The following SFMBT2 variants were observed in gnomAD, a reference collection of about 807,000 sequenced individuals.
The protein encoded by SFMBT2 is Scm like with four mbt domains 2.
In SFMBT2, 38 loss-of-function variants were observed where a neutral mutation model predicts 110.1. That is an observed-to-expected ratio of 0.35 (90% confidence interval 0.27 to 0.45). The LOEUF is 0.45. Among genes scored for constraint, SFMBT2 ranks in the 20% least tolerant of loss-of-function variants. The pLI is 1.00. For synonymous variants in SFMBT2, 425 were observed against 425.4 expected (o/e 1.00, Z 0.01); for missense variants, 1,011 against 1,094.9 (o/e 0.92, Z 1.08).
intron 4 of SFMBT2, among the ~76,000 whole-genome samples, chr10:7,352,580 G>C (rs750002580): frequency 8.5e-5 from 13 of 152,108 alleles, no homozygotes; most frequent in Non-Finnish European, 1.3e-4. Flanking sequence ...TGCTATCTCA[G>C]AGAAGTCCCC....
chr10:7,368,013 T>C (rs1844958177), intron 3 of SFMBT2, 124 bp from the exon 4 acceptor site: 1 of 1,363,914 alleles, frequency 7.3e-7, no homozygotes, highest in Admixed American at 2.7e-5. Context: ...AAAACAGGCA[T>C]GTATTTATCT....
intron 4 of SFMBT2, among the ~76,000 whole-genome samples, chr10:7,297,636 G>T (rs903206455): frequency 6.6e-6 from 1 of 152,076 alleles, no homozygotes; most frequent in Non-Finnish European, 1.5e-5. Flanking sequence ...GAGAAACAAG[G>T]CAATTTAAAA....
In SFMBT2 at chr10:7,163,726, A is replaced by G. The variant is rs761898178; in HGVS notation, c.*44T>C. 1 of 1,567,778 alleles carries G rather than the reference A, an allele frequency of 6.4e-7. No homozygotes were observed. Among genetic ancestry groups the G allele is most frequent in the East Asian group, 2.2e-5 (1 of 44,508 alleles). ...AGTTTCAGTCCTGGAAACCTTTACC[A>G]ACACCGCATCCCAGCAATAATGGGC... is the stretch of plus-strand genomic sequence containing the variant. On this transcript the variant is annotated 3_prime_UTR_variant, in exon 21 of 21. Coordinates refer to ENST00000397167, the MANE Select transcript of SFMBT2 (RefSeq NM_001387889.1). This position sits in a 1 kb window ranked among gnomAD's most constrained non-coding sequence, Gnocchi z 4.8.
At chr10:7,216,971 G>C (rs1325323249) in intron 11 of SFMBT2, among the ~76,000 whole-genome samples, 1 of 152,180 alleles carries the variant, frequency 6.6e-6, no homozygotes, top group African/African-American at 2.4e-5. Context: ...CTTGCCAATA[G>C]GTGGCCAGGT....
intron 4 of SFMBT2, among the ~76,000 whole-genome samples, chr10:7,341,463 T>A (rs990649468): frequency 2.0e-5 from 3 of 152,256 alleles, no homozygotes; most frequent in Admixed American, 2.0e-4. Flanking sequence ...GTTTTGCTTT[T>A]GTTTGGAGAG....
chr10:7,266,581 G>A (rs1841401185), intron 7 of SFMBT2, among the ~76,000 whole-genome samples: 1 of 152,230 alleles, frequency 6.6e-6, no homozygotes, highest in South Asian at 2.1e-4. Flanking sequence ...TCAGGCGACT[G>A]GACCCAGGCA....
chr10:7,324,505 C>T (rs554753598), intron 4 of SFMBT2, among the ~76,000 whole-genome samples: 12 of 152,260 alleles, frequency 7.9e-5, no homozygotes, highest in African/African-American at 2.9e-4. Flanking sequence ...ATCTTGTGAA[C>T]TCCACCCCAA....
intron 9 of SFMBT2, chr10:7,228,388 A>C (rs1014830028): frequency 1.6e-5 from 13 of 797,296 alleles, no homozygotes; most frequent in Non-Finnish European, 2.0e-5. Context: ...AAAAAAAAAA[A>C]AACAAAACAG....
At chr10:7,189,284 A>G (rs1345511715) in intron 15 of SFMBT2, 1 of 612,610 alleles carries the variant, frequency 1.6e-6, no homozygotes, top group Non-Finnish European at 2.0e-6. Context: ...TGAATATTTT[A>G]AAAGAGAGTC....
chr10:7,374,882 G>A (rs2132066001), intron 2 of SFMBT2, among the ~76,000 whole-genome samples: 2 of 152,280 alleles, frequency 1.3e-5, no homozygotes, highest in East Asian at 3.9e-4. Context: ...GTGCCCCAAG[G>A]AGCTGATTCT....
chr10:7,200,170 C>T (rs1179631289), intron 14 of SFMBT2, among the ~76,000 whole-genome samples: 1 of 152,162 alleles, frequency 6.6e-6, no homozygotes, highest in African/African-American at 2.4e-5. Flanking sequence ...CACATAAACC[C>T]TTTTTCTATA....
intron 7 of SFMBT2, among the ~76,000 whole-genome samples, chr10:7,257,711 C>A (rs1359568534): frequency 6.6e-6 from 1 of 152,186 alleles, no homozygotes; most frequent in East Asian, 1.9e-4. Flanking sequence ...GAAGCTTATG[C>A]TTTTAAAATG....
At chr10:7,220,022 A>G (rs181038552) in intron 11 of SFMBT2, among the ~76,000 whole-genome samples, 8 of 152,374 alleles carry the variant, frequency 5.3e-5, no homozygotes, top group Admixed American at 3.9e-4. Context: ...TACGAAAGAA[A>G]TCAAAGTAAA....
chr10:7,346,726 T>C (rs1446536634), intron 4 of SFMBT2, among the ~76,000 whole-genome samples: 3 of 151,604 alleles, frequency 2.0e-5, no homozygotes, highest in South Asian at 2.1e-4. Context: ...TCCCAGCACT[T>C]TGGGAGGCCG....
intron 7 of SFMBT2, 67 bp from the exon 8 acceptor site, chr10:7,248,716 T>G: frequency 2.5e-5 from 36 of 1,434,418 alleles, no homozygotes; most frequent in Non-Finnish European, 3.3e-5. Context: ...ACTGTCCGGA[T>G]GCGCTCCTGG....
chr10:7,183,465 C>A (rs1452573940), intron 16 of SFMBT2, among the ~76,000 whole-genome samples: 1 of 152,192 alleles, frequency 6.6e-6, no homozygotes, highest in Admixed American at 6.5e-5. Context: ...ACACTGAGAA[C>A]CCCAGAGTCC....
intron 13 of SFMBT2, among the ~76,000 whole-genome samples, chr10:7,200,731 T>C (rs1838927714): frequency 6.6e-6 from 1 of 152,232 alleles, no homozygotes; most frequent in African/African-American, 2.4e-5. Flanking sequence ...CAGCTGGTCC[T>C]GATCAGTGAG....
At chr10:7,297,218 G>A (rs917159664) in intron 4 of SFMBT2, among the ~76,000 whole-genome samples, 1 of 152,220 alleles carries the variant, frequency 6.6e-6, no homozygotes, top group African/African-American at 2.4e-5. Context: ...CTTTGAGAGT[G>A]CACAGAAGGA....
chr10:7,195,078 T>C (rs942805971), intron 15 of SFMBT2, among the ~76,000 whole-genome samples: 4 of 152,186 alleles, frequency 2.6e-5, no homozygotes, highest in African/African-American at 9.7e-5. Flanking sequence ...CCTCATCCTA[T>C]CACTCACAAC....
Sources: gnomAD v4.1 joint callset for allele counts (sites outside exome capture counted in the v4.1 genomes callset) on GRCh38, gnomAD v4.1.1 for gene constraint, Gnocchi (gnomAD v3.1) non-coding constraint, MANE v1.5 for transcripts, NCBI Gene and HGNC (gene_info 2026-07-23, HGNC 2026-07-21) for gene names.